The following GPR33 variants were observed in gnomAD, a reference collection of about 807,000 sequenced individuals.
GPR33 encodes the protein G protein-coupled receptor 33.
Under a neutral mutation model 3.1 loss-of-function variants are expected in GPR33, and 4 were observed. That is an observed-to-expected ratio of 1.29 (90% CI 0.64 to 2.96). The LOEUF is 2.96. Ranked by LOEUF, GPR33 falls within the 30% of genes most tolerant of loss-of-function variation. GPR33 has a pLI of 0.01. For synonymous variants in GPR33, 138 were observed against 142.0 expected, an observed-to-expected ratio of 0.97 and a Z score of 0.20; for missense variants, 390 against 388.9, an observed-to-expected ratio of 1.00 and a Z score of -0.02.
chr14:31,483,034 T>C lies in GPR33; in HGVS notation c.932A>G (p.Lys311Arg). Reference protein sequence around the residue: ...FVGENFKKVFKKSILALFEST... With the variant: ...FVGENFKKVFRKSILALFEST... ...CTCAAACAGAGCAAGAATGGACTTC[T>C]TGAAGACCTTTTTGAAATTCTCCCC... The change falls in exon 2 of 2, where the codon AAG (lysine) becomes AGG (arginine). Residue 311 changes from lysine to arginine, a missense_variant. Physicochemically the swap from Lys to Arg is conservative, Grantham distance 26 (BLOSUM62 2). Transcript: ENST00000399285. 1 of 1,536,066 alleles carries C rather than the reference T, an allele frequency of 6.5e-7. No homozygotes were observed.
In GPR33 at chr14:31,483,361, T is replaced by A; in HGVS notation, c.605A>T (p.His202Leu). The A allele has an allele frequency of 2.6e-6, 4 of 1,536,172 alleles. No individual in the cohort carries two copies. Among genetic ancestry groups the A allele is most frequent in the Non-Finnish European group, 3.5e-6 (4 of 1,146,912 alleles). ...KEMQASRQWI[H>L]VACFISRFLL... ...GAAGCGGCTGATGAAACAGGCCACA[T>A]GAATCCACTGCCTTGATGCTTGCAT... The change falls in exon 2 of 2, where the codon CAT becomes CTT. Residue 202 changes from histidine (H) to leucine (L), a missense_variant. Physicochemically the swap from His to Leu is moderately conservative, Grantham distance 99 (BLOSUM62 -3). Coordinates refer to ENST00000399285, the MANE Select transcript of GPR33 (RefSeq NM_001197184.3).
chr14:31,484,149 A>G (rs2032393317), intron 1 of GPR33, 178 bp from the exon 2 acceptor site: 1 of 163,998 alleles, frequency 6.1e-6, no homozygotes, highest in Non-Finnish European at 1.3e-5. Context: ...CTATACTTTT[A>G]TGTTTTAATG....
At chr14:31,487,474 C>G (rs989888326) in intron 1 of GPR33, among the ~76,000 whole-genome samples, 5 of 122,112 alleles carry the variant, frequency 4.1e-5, no homozygotes, top group African/African-American at 1.5e-4. Flanking sequence ...GAGTCTTGCT[C>G]TGTCCCCCAG....
At position 31,483,805 on chromosome 14, in the gene GPR33, A is replaced by C; in HGVS notation, c.161T>G (p.Leu54Arg). 6.5e-7 allele frequency: 1 copy of C among 1,536,148 alleles called. No individual in the cohort carries two copies. The highest frequency in any genetic ancestry group is 1.2e-5 in the South Asian group (1 of 84,060). Reference sequence around the variant, plus strand: ...GACAGTCTGTTTCATCTTGAATCTTAGCACCCATAGATAGAGGCCATTGGT... The same window carrying C: ...GACAGTCTGTTTCATCTTGAATCTTCGCACCCATAGATAGAGGCCATTGGT... ...TITNGLYLWV[L>R]RFKMKQTVNT... The change falls in exon 2 of 2, where the codon CTA (leucine) becomes CGA (arginine). Residue 54 changes from leucine (L) to arginine (R), a missense_variant. Leu to Arg is a moderately radical substitution (Grantham distance 102). Coordinates refer to ENST00000399285, the MANE Select transcript of GPR33 (RefSeq NM_001197184.3).
chr14:31,484,040 A>G, intron 1 of GPR33, 69 bp from the exon 2 acceptor site: 2 of 1,305,068 alleles, frequency 1.5e-6, no homozygotes, highest in South Asian at 1.6e-5. Flanking sequence ...GTAAAAATTT[A>G]AAGAGTAATT....
chr14:31,484,898 A>G (rs1489980594), intron 1 of GPR33, among the ~76,000 whole-genome samples: 4 of 152,164 alleles, frequency 2.6e-5, no homozygotes, highest in African/African-American at 9.7e-5. Flanking sequence ...GTACCTTCAG[A>G]ATCATCAACA....
In GPR33 at chr14:31,483,052, T is replaced by C. The variant is rs1273563474; in HGVS notation, c.914A>G (p.Asn305Ser). The change falls in exon 2 of 2, where the codon AAT (asparagine) becomes AGT (serine). Residue 305 changes from asparagine to serine, a missense_variant. By Grantham distance (46) the Asn-to-Ser change is conservative. Coordinates refer to ENST00000399285, the MANE Select transcript of GPR33 (RefSeq NM_001197184.3). ...SPTLYLFVGE[N>S]FKKVFKKSIL... Reference sequence around the variant, plus strand: ...GGACTTCTTGAAGACCTTTTTGAAATTCTCCCCAACAAATAAGTAGAGTGT... The same window carrying C: ...GGACTTCTTGAAGACCTTTTTGAAACTCTCCCCAACAAATAAGTAGAGTGT... The C allele has an allele frequency of 5.9e-6, 9 of 1,535,946 alleles. No individual in the cohort carries two copies. Among genetic ancestry groups the C allele is most frequent in the African/African-American group, 1.4e-5 (1 of 73,038 alleles).
At chr14:31,486,028 GC>G (rs1243530259) in intron 1 of GPR33, among the ~76,000 whole-genome samples, 4 of 152,200 alleles carry the variant, frequency 2.6e-5, no homozygotes, top group Non-Finnish European at 5.9e-5. Context: ...TACTAATGAT[GC>G]TTTTTTCCTC....
chr14:31,483,211 A>G lies in GPR33; in HGVS notation c.755T>C (p.Ile252Thr). 6.5e-7 allele frequency: 1 copy of G among 1,536,154 alleles called. No homozygotes were observed. The highest frequency in any genetic ancestry group is 8.7e-7 in the Non-Finnish European group (1 of 1,146,910). The change falls in exon 2 of 2, where the codon ATC becomes ACC. Residue 252 changes from isoleucine (I) to threonine (T), a missense_variant. Coordinates refer to ENST00000399285, the MANE Select transcript of GPR33 (RefSeq NM_001197184.3). ...KPFKVMMTAI[I>T]SFFVCWMPYH... is the part of the protein sequence containing the mutation. ...GGGCATCCAACACACAAAGAAAGAG[A>G]TAATGGCAGTCATCATAACTTTGAA... is the stretch of plus-strand genomic sequence containing the variant.
At chr14:31,485,551 TTGAACC>T (rs2032410285) in intron 1 of GPR33, among the ~76,000 whole-genome samples, 2 of 151,352 alleles carry the variant, frequency 1.3e-5, no homozygotes, top group South Asian at 4.2e-4. Flanking sequence ...GGACAATCGC[TTGAACC>T]TGGGAGGCAG....
At chr14:31,487,347 C>T (rs2032429321) in intron 1 of GPR33, among the ~76,000 whole-genome samples, 1 of 151,148 alleles carries the variant, frequency 6.6e-6, no homozygotes, top group Non-Finnish European at 1.5e-5. Context: ...TCCCACAGAC[C>T]TGGGTTTGTA....
rs2032374767 is a variant in GPR33, at chr14:31,482,875, A to G, written c.*89T>C. 7.2e-6 allele frequency: 8 copies of G among 1,109,386 alleles called. No individual in the cohort carries two copies. The highest frequency in any genetic ancestry group is 1.0e-5 in the Non-Finnish European group (8 of 802,354). The allele number at this position is 1,109,386 out of a possible 1,614,324, so 68.7% of individuals were successfully genotyped here. On this transcript the variant is annotated 3_prime_UTR_variant, in exon 2 of 2. Coordinates refer to ENST00000399285, the MANE Select transcript of GPR33 (RefSeq NM_001197184.3). ...ATCTCTCTAATATAGGGACTATAGC[A>G]TACAAAAGCAGAAGGTATATCCTAT...
Position 31,483,021 on chromosome 14 carries a change from A to G in GPR33, c.945T>C (p.Leu315=). ...NFKKVFKKSI[L]ALFESTFSED... is the part of the protein sequence containing the mutation. ...CACTAAATGTTGACTCAAACAGAGC[A>G]AGAATGGACTTCTTGAAGACCTTTT... The change falls in exon 2 of 2, where the codon CTT becomes CTC. Residue 315 remains leucine, a synonymous_variant. Transcript: ENST00000399285. 1.3e-6 allele frequency: 2 copies of G among 1,535,818 alleles called. No homozygotes were observed. The highest frequency in any genetic ancestry group is 1.7e-6 in the Non-Finnish European group (2 of 1,146,796).
chr14:31,484,287 A>AT (rs200398426), intron 1 of GPR33, among the ~76,000 whole-genome samples: 2,314 of 149,718 alleles, frequency 0.015, 47 homozygotes, highest in African/African-American at 0.054. Flanking sequence ...TTAAAAATCT[A>AT]TTTTTTTTTT....
rs1183307023 is a variant in GPR33 at position 31,483,672 on chromosome 14, A to C, written c.294T>G (p.Thr98=). ...TGCCATTGAAGACCTTGCACAAGGC[A>C]GTTCCAAAGTTCCAGTGATTGTCTT... ...QLQDNHWNFG[T]ALCKVFNGTL... Residue 98 remains threonine, a synonymous_variant, in exon 2 of 2, where the codon ACT becomes ACG. Coordinates refer to ENST00000399285, the MANE Select transcript of GPR33 (RefSeq NM_001197184.3). The C allele has an allele frequency of 6.5e-7, 1 of 1,536,192 alleles. No homozygotes were observed. The highest frequency in any genetic ancestry group is 1.2e-5 in the South Asian group (1 of 84,066).
chr14:31,485,718 G>A (rs74539559), intron 1 of GPR33, among the ~76,000 whole-genome samples: 2,014 of 151,924 alleles, frequency 0.013, 45 homozygotes, highest in African/African-American at 0.046. Flanking sequence ...GTGAGGCTTC[G>A]TAGGGTTACA....
chr14:31,484,711 T>C (rs896550367), intron 1 of GPR33, among the ~76,000 whole-genome samples: 1 of 152,146 alleles, frequency 6.6e-6, no homozygotes, highest in African/African-American at 2.4e-5. Context: ...TGAAATGAAT[T>C]TGAATAACAA....
chr14:31,485,086 C>G (rs961018783), intron 1 of GPR33, among the ~76,000 whole-genome samples: 1 of 151,888 alleles, frequency 6.6e-6, no homozygotes. Context: ...CAGACACTTG[C>G]CACCACGCCC....
rs781753348 is a variant in GPR33 at position 31,483,291 on chromosome 14, A to G, written c.675T>C (p.Tyr225=). The G allele has an allele frequency of 5.5e-5, 84 of 1,536,048 alleles. No individual in the cohort carries two copies. Among genetic ancestry groups the G allele is most frequent in the Non-Finnish European group, 6.5e-5 (74 of 1,146,926 alleles). The change falls in exon 2 of 2, where the codon TAT becomes TAC. Residue 225 remains tyrosine (Y), a synonymous_variant. Transcript: ENST00000399285. ...CTTTCACCTTGCTGGCTACTCTTTC[A>G]TAACAAAAGATGATGATGAAGAAAG... ...LLPFFIIIFC[Y]ERVASKVKER... is the part of the protein sequence containing the mutation.
Sources: allele counts gnomAD v4.1 joint callset (sites outside exome capture counted in the v4.1 genomes callset), GRCh38; gene constraint gnomAD v4.1.1; transcripts MANE v1.5; gene names NCBI Gene and HGNC (gene_info 2026-07-23, HGNC 2026-07-21).